Variants in TTI1 observed in about 807,000 individuals in gnomAD.
TTI1 encodes TELO2 interacting protein 1, also known as TELO2-interacting protein 1 homolog.
Under a neutral mutation model 85.4 loss-of-function variants are expected in TTI1, and 52 were observed. The observed-to-expected ratio is 0.61, with a 90% CI of 0.49 to 0.77. The LOEUF (loss-of-function observed/expected upper bound fraction) is 0.77, where lower values mean the gene tolerates loss of function less well. Among genes scored for constraint, TTI1 ranks in the 30% least tolerant of loss-of-function variants. The pLI, the probability that TTI1 is intolerant of heterozygous loss-of-function variation, is 0.00. For synonymous variants in TTI1, 512 were observed against 503.9 expected (o/e 1.02, Z -0.22); for missense variants, 1,173 against 1,296.0 (o/e 0.91, Z 1.46).
chr20:38,010,532 G>A (rs1208401106), intron 2 of TTI1, among the ~76,000 whole-genome samples: 13 of 144,136 alleles, frequency 9.0e-5, no homozygotes, highest in South Asian at 2.2e-4. Context: ...GTGCAGTGGC[G>A]CGATCTTGGC....
chr20:37,992,286 T>C (rs568119209), intron 7 of TTI1, among the ~76,000 whole-genome samples: 18 of 152,126 alleles, frequency 1.2e-4, no homozygotes, highest in Non-Finnish European at 2.4e-4. Flanking sequence ...TCTTCTTCTT[T>C]TTTTTTTGAA....
chr20:37,996,671 G>A (rs528511062), intron 6 of TTI1, 78 bp downstream of exon 6: 715 of 1,518,392 alleles, frequency 4.7e-4, no homozygotes, highest in Middle Eastern at 6.4e-4. Context: ...AGGGGGGCAC[G>A]ACTGAGCAGA....
chr20:37,993,439 T>C (rs953875946), intron 7 of TTI1, among the ~76,000 whole-genome samples: 4 of 152,116 alleles, frequency 2.6e-5, no homozygotes, highest in Non-Finnish European at 5.9e-5. Flanking sequence ...GTTTGGTCAT[T>C]CTTTGGAGCC....
chr20:38,003,379 T>C (rs2073452755), intron 3 of TTI1, among the ~76,000 whole-genome samples: 1 of 152,222 alleles, frequency 6.6e-6, no homozygotes, highest in Non-Finnish European at 1.5e-5. Context: ...CGTTTTTGCA[T>C]GAGAGGAAGT....
At chr20:37,999,819 C>T (rs2073395214) in intron 4 of TTI1, among the ~76,000 whole-genome samples, 1 of 152,176 alleles carries the variant, frequency 6.6e-6, no homozygotes, top group South Asian at 2.1e-4. Flanking sequence ...TGGAGCATTA[C>T]AGAGAAGAGG....
chr20:37,999,352 G>A, intron 4 of TTI1, 24 bp from the exon 5 acceptor site: 1 of 1,380,172 alleles, frequency 7.2e-7, no homozygotes, highest in Non-Finnish European at 9.5e-7. Context: ...GATTTCAGCA[G>A]ATGGTATAGG....
intron 1 of TTI1, among the ~76,000 whole-genome samples, chr20:38,014,586 T>A (rs185955137): frequency 6.6e-6 from 1 of 151,872 alleles, no homozygotes; most frequent in African/African-American, 2.4e-5. Flanking sequence ...GACAGCAACA[T>A]AAAGCGAAAG....
At chr20:38,019,188 C>T (rs562590758) in intron 1 of TTI1, 33 of 146,400 alleles carry the variant, frequency 2.3e-4, no homozygotes, top group African/African-American at 8.2e-4. Context: ...ATATTTACAA[C>T]AAACAAAACC....
At chr20:37,986,438 CA>C (rs1180353005) in intron 7 of TTI1, among the ~76,000 whole-genome samples, 3 of 152,220 alleles carry the variant, frequency 2.0e-5, no homozygotes, top group Non-Finnish European at 2.9e-5. Context: ...AACAGAAAAG[CA>C]AAGGAAAAAC....
intron 5 of TTI1, among the ~76,000 whole-genome samples, chr20:37,998,297 G>T (rs1215648281): frequency 1.3e-5 from 2 of 151,834 alleles, no homozygotes; most frequent in African/African-American, 2.4e-5. Flanking sequence ...TTTGTTTTGG[G>T]AAAAAAACAT....
intron 1 of TTI1, among the ~76,000 whole-genome samples, chr20:38,020,338 A>ATATATATATATATATATATATG: frequency 8.3e-6 from 1 of 120,388 alleles, no homozygotes; most frequent in East Asian, 2.2e-4. Flanking sequence ...ATATATATAT[A>ATATATATATATATATATATATG]TATATATATA....
intron 3 of TTI1, among the ~76,000 whole-genome samples, chr20:38,005,018 T>C (rs2073476277): frequency 6.6e-6 from 1 of 152,150 alleles, no homozygotes; most frequent in Non-Finnish European, 1.5e-5. Flanking sequence ...AAATCATTAT[T>C]TGGGCCCTGT....
intron 7 of TTI1, among the ~76,000 whole-genome samples, chr20:37,990,452 T>C (rs938951834): frequency 2.0e-5 from 3 of 152,228 alleles, no homozygotes; most frequent in Non-Finnish European, 2.9e-5. Flanking sequence ...GTGAATTAAT[T>C]TGCCAAGGTT....
intron 1 of TTI1, among the ~76,000 whole-genome samples, chr20:38,017,876 G>A (rs2073707857): frequency 6.6e-6 from 1 of 152,192 alleles, no homozygotes; most frequent in African/African-American, 2.4e-5. Context: ...TGAAAGCCCT[G>A]GAGGACCATA....
chr20:38,028,276 A>G (rs1277320303), intron 1 of TTI1, among the ~76,000 whole-genome samples: 1 of 152,248 alleles, frequency 6.6e-6, no homozygotes, highest in Non-Finnish European at 1.5e-5. Flanking sequence ...CACGCTGTCT[A>G]TAAGAAACTC....
At chr20:37,989,565 C>G (rs1328225903) in intron 7 of TTI1, among the ~76,000 whole-genome samples, 1 of 152,242 alleles carries the variant, frequency 6.6e-6, no homozygotes, top group Non-Finnish European at 1.5e-5. Flanking sequence ...GCCAGTTCTC[C>G]TGCCTCCAGG....
chr20:38,021,009 C>T (rs2073764387), intron 1 of TTI1, among the ~76,000 whole-genome samples: 2 of 152,026 alleles, frequency 1.3e-5, no homozygotes, highest in Non-Finnish European at 2.9e-5. Context: ...GATATATACC[C>T]AATAGAAATG....
At chr20:38,024,260 T>C (rs1165974337) in intron 1 of TTI1, among the ~76,000 whole-genome samples, 1 of 152,172 alleles carries the variant, frequency 6.6e-6, no homozygotes, top group Non-Finnish European at 1.5e-5. Context: ...TTATAAATAT[T>C]AATATAAACA....
At chr20:38,011,367 C>T in intron 2 of TTI1, 148 bp downstream of exon 2, 3 of 846,914 alleles carry the variant, frequency 3.5e-6, no homozygotes, top group East Asian at 2.7e-5. Context: ...AACAGTGAAA[C>T]CCCCCCATAA....
Sources: allele counts gnomAD v4.1 joint callset (sites outside exome capture counted in the v4.1 genomes callset), GRCh38; gene constraint gnomAD v4.1.1; transcripts MANE v1.5; gene names NCBI Gene and HGNC (gene_info 2026-07-23, HGNC 2026-07-21).